Variants in METTL15 observed in about 807,000 individuals in gnomAD.
METTL15 encodes 12S rRNA N(4)-cytidine methyltransferase METTL15.
METTL15 carries 34 observed loss-of-function variants against 38.3 expected under a neutral mutation model. That is an observed-to-expected ratio of 0.89 (90% CI 0.68 to 1.18). The LOEUF (loss-of-function observed/expected upper bound fraction) is 1.18, where lower values mean the gene tolerates loss of function less well. Among genes scored for constraint, METTL15 ranks in the 50% most tolerant of loss-of-function variants. The pLI, the probability that METTL15 is intolerant of heterozygous loss-of-function variation, is 0.00. For missense variants in METTL15, 438 were observed against 498.4 expected, an observed-to-expected ratio of 0.88 and a Z score of 1.15; for synonymous variants, 162 against 170.9, an observed-to-expected ratio of 0.95 and a Z score of 0.41.
chr11:28,235,119 T>C (rs1421515663), intron 4 of METTL15, among the ~76,000 whole-genome samples: 1 of 152,144 alleles, frequency 6.6e-6, no homozygotes, highest in African/African-American at 2.4e-5. Flanking sequence ...TAGTTGTAGA[T>C]ATGAGGCGTT....
At chr11:28,154,155 G>A (rs1850185497) in intron 3 of METTL15, among the ~76,000 whole-genome samples, 3 of 152,102 alleles carry the variant, frequency 2.0e-5, no homozygotes, top group Admixed American at 1.3e-4. Flanking sequence ...CGTAATTGAA[G>A]GGGAGATTCT....
chr11:28,151,934 A>G (rs559405117), intron 3 of METTL15, among the ~76,000 whole-genome samples: 2 of 152,010 alleles, frequency 1.3e-5, no homozygotes, highest in East Asian at 3.9e-4. Flanking sequence ...TATTGGTCCC[A>G]CCCTCTTCCT....
chr11:28,253,667 A>G (rs1489645933), intron 4 of METTL15, among the ~76,000 whole-genome samples: 1 of 126,508 alleles, frequency 7.9e-6, no homozygotes, highest in Non-Finnish European at 1.6e-5. Context: ...TCTGGTAACC[A>G]TCCTTCTACT....
At chr11:28,163,648 C>T (rs1028655537) in intron 3 of METTL15, 25 of 391,722 alleles carry the variant, frequency 6.4e-5, no homozygotes, top group Non-Finnish European at 9.0e-6. Context: ...TTTAATTTTC[C>T]CCCAGAATCA....
At chr11:28,213,329 C>T (rs140085702) in intron 4 of METTL15, among the ~76,000 whole-genome samples, 4 of 151,938 alleles carry the variant, frequency 2.6e-5, no homozygotes, top group Admixed American at 2.6e-4. Flanking sequence ...CACAAGAGAT[C>T]AGTCTTTGAA....
At chr11:28,391,015 A>G (rs1406934861) in intron 5 of METTL15, among the ~76,000 whole-genome samples, 2 of 152,098 alleles carry the variant, frequency 1.3e-5, no homozygotes, top group African/African-American at 4.8e-5. Flanking sequence ...TTCACTCATG[A>G]TTTGCCTCGC....
chr11:28,127,235 A>G (rs962767268), intron 3 of METTL15, among the ~76,000 whole-genome samples: 2 of 152,162 alleles, frequency 1.3e-5, no homozygotes, highest in Non-Finnish European at 2.9e-5. Context: ...AATGAGTGGT[A>G]ATAGTTGAGA....
chr11:28,397,370 A>G (rs1450884689), intron 5 of METTL15, among the ~76,000 whole-genome samples: 1 of 152,222 alleles, frequency 6.6e-6, no homozygotes, highest in African/African-American at 2.4e-5. Flanking sequence ...TCCAGAATCT[A>G]CAATGAACTC....
At chr11:28,446,721 T>G (rs1260178278) in intron 6 of METTL15, among the ~76,000 whole-genome samples, 1 of 152,186 alleles carries the variant, frequency 6.6e-6, no homozygotes, top group African/African-American at 2.4e-5. Context: ...TCTAGTCATC[T>G]TTTTCTTTTT....
chr11:28,300,530 T>A lies in METTL15; in HGVS notation c.778+3599T>A, dbSNP rs144765661. ...CAGTACTCTTCCATATCATGGGAAT[T>A]CCAAAAGACAGGTTCAAGACTCCAA... On this transcript the variant is annotated intron_variant, in intron 6 of 6. Transcript: ENST00000407364. 7.2e-5 allele frequency among the ~76,000 whole-genome samples: 11 copies of A among 152,276 alleles called. No individual in the cohort carries two copies. The East Asian group carries it at 2.1e-3, about 29-fold the overall frequency.
At chr11:28,383,656 T>A (rs1299081286) in intron 5 of METTL15, among the ~76,000 whole-genome samples, 1 of 152,176 alleles carries the variant, frequency 6.6e-6, no homozygotes. Context: ...ATAGTAGCCA[T>A]TCTGACTAGT....
chr11:28,526,395 C>CA (rs1851812572), intron 6 of METTL15: 1 of 152,412 alleles, frequency 6.6e-6, no homozygotes, highest in East Asian at 1.9e-4. Flanking sequence ...GAAATTTCTT[C>CA]ATTTCATCCA....
At chr11:28,387,620 G>T (rs1158895614) in intron 5 of METTL15, among the ~76,000 whole-genome samples, 1 of 151,950 alleles carries the variant, frequency 6.6e-6, no homozygotes, top group Non-Finnish European at 1.5e-5. Flanking sequence ...AACATTTAAA[G>T]AAAAATTAAC....
chr11:28,202,452 T>C (rs1228039806), intron 3 of METTL15, among the ~76,000 whole-genome samples: 3 of 152,092 alleles, frequency 2.0e-5, no homozygotes, highest in Non-Finnish European at 2.9e-5. Context: ...TGATTTTTTT[T>C]TTAACTAGGC....
intron 3 of METTL15, among the ~76,000 whole-genome samples, chr11:28,201,098 A>C (rs1037671624): frequency 6.6e-6 from 1 of 152,134 alleles, no homozygotes; most frequent in African/African-American, 2.4e-5. Context: ...AATACAGTTT[A>C]TTGAGAGTTT....
At chr11:28,293,168 C>G (rs1856588903) in intron 5 of METTL15, among the ~76,000 whole-genome samples, 1 of 152,156 alleles carries the variant, frequency 6.6e-6, no homozygotes, top group African/African-American at 2.4e-5. Context: ...AGGTTTTCTC[C>G]TAAGGTTTTT....
chr11:28,514,460 C>G (rs544783694), intron 6 of METTL15, among the ~76,000 whole-genome samples: 1 of 152,148 alleles, frequency 6.6e-6, no homozygotes, highest in Non-Finnish European at 1.5e-5. Context: ...GAGTCCTGAA[C>G]GAACTATTTC....
chr11:28,158,625 C>T (rs1052245082), intron 3 of METTL15, among the ~76,000 whole-genome samples: 1 of 152,180 alleles, frequency 6.6e-6, no homozygotes, highest in Non-Finnish European at 1.5e-5. Context: ...CTATCCTGCA[C>T]ACAATGCTTC....
chr11:28,192,697 A>G (rs765144828), intron 3 of METTL15, among the ~76,000 whole-genome samples: 1 of 152,026 alleles, frequency 6.6e-6, no homozygotes, highest in African/African-American at 2.4e-5. Context: ...CCATCAACTC[A>G]ATTTTAAAAA....
Sources: gnomAD v4.1 joint callset for allele counts (sites outside exome capture counted in the v4.1 genomes callset) on GRCh38, gnomAD v4.1.1 for gene constraint, MANE v1.5 for transcripts, NCBI Gene and HGNC (gene_info 2026-07-23, HGNC 2026-07-21) for gene names.